LPAR1: variants seen among roughly 807,000 people sequenced by gnomAD.
LPAR1 encodes lysophosphatidic acid receptor 1.
Under a neutral mutation model 23.8 loss-of-function variants are expected in LPAR1, and 5 were observed. The observed-to-expected ratio is 0.21, with a 90% CI of 0.11 to 0.44. LPAR1 has a LOEUF of 0.44. Among genes scored for constraint, LPAR1 ranks in the 20% least tolerant of loss-of-function variants. The probability of loss-of-function intolerance (pLI) is 0.99; values close to 1 mark genes in which losing one functional copy is unlikely to be tolerated. For missense variants in LPAR1, 311 were observed against 482.8 expected (o/e 0.64, Z 3.33); for synonymous variants, 160 against 164.7 (o/e 0.97, Z 0.22).
At chr9:110,939,904 G>T (rs560641445) in intron 5 of LPAR1, among the ~76,000 whole-genome samples, 1 of 152,286 alleles carries the variant, frequency 6.6e-6, no homozygotes, top group East Asian at 1.9e-4. Context: ...CAGGAAAAAA[G>T]TCTCATGTTA....
chr9:110,992,046 C>CA (rs1346935929), intron 2 of LPAR1, among the ~76,000 whole-genome samples: 1 of 150,222 alleles, frequency 6.7e-6, no homozygotes, highest in East Asian at 1.9e-4. Flanking sequence ...CTATAAAGAA[C>CA]AAACAGAAAA....
chr9:110,884,544 A>T (rs2081833458), intron 5 of LPAR1, among the ~76,000 whole-genome samples: 1 of 152,248 alleles, frequency 6.6e-6, no homozygotes, highest in Non-Finnish European at 1.5e-5. Context: ...AATAAAAAAA[A>T]TAAGTGAAAG....
chr9:110,966,702 A>G (rs1199105136), intron 4 of LPAR1, among the ~76,000 whole-genome samples: 4 of 152,312 alleles, frequency 2.6e-5, no homozygotes, highest in Admixed American at 2.0e-4. Flanking sequence ...AGAATGATAC[A>G]CCATGAAAAA....
chr9:110,929,924 A>G (rs1321686150), intron 5 of LPAR1, among the ~76,000 whole-genome samples: 1 of 152,142 alleles, frequency 6.6e-6, no homozygotes, highest in Non-Finnish European at 1.5e-5. Context: ...GGAAATCAGA[A>G]ATGATGCTTC....
At chr9:110,969,304 T>C (rs1056142895) in intron 4 of LPAR1, among the ~76,000 whole-genome samples, 1 of 152,170 alleles carries the variant, frequency 6.6e-6, no homozygotes, top group Non-Finnish European at 1.5e-5. Flanking sequence ...CACAGTCTTG[T>C]TTTAGAATTT....
chr9:111,011,373 A>T (rs574350753), intron 2 of LPAR1, among the ~76,000 whole-genome samples: 71 of 152,288 alleles, frequency 4.7e-4, no homozygotes, highest in African/African-American at 1.6e-3. Context: ...CACTTCCAAT[A>T]ACGGGAAGCT....
chr9:110,982,719 T>C (rs962648934), intron 2 of LPAR1, among the ~76,000 whole-genome samples: 4 of 151,234 alleles, frequency 2.6e-5, no homozygotes, highest in African/African-American at 4.9e-5. Context: ...TTGACAAAAA[T>C]AAGTGGAACA....
chr9:111,021,098 A>C (rs1564361332), intron 2 of LPAR1, among the ~76,000 whole-genome samples: 1 of 152,236 alleles, frequency 6.6e-6, no homozygotes, highest in Admixed American at 6.5e-5. Context: ...AATGTATTTG[A>C]ATCAAATGAT....
rs1044252791 is a variant in LPAR1 at position 110,875,344 on chromosome 9, T to C, written c.*77A>G. 2.3e-6 allele frequency: 3 copies of C among 1,309,856 alleles called. No individual in the cohort carries two copies. The highest frequency in any genetic ancestry group is 5.3e-5 in the Admixed American group (2 of 37,890). 81.1% of individuals were successfully genotyped at this position (1,309,856 alleles called of 1,614,324 possible). ...CTTTTCTCCTCTCTCACACCCCACC[T>C]TGCCCTGGCAATTGGGTAGGGGGAG... is the stretch of plus-strand genomic sequence containing the variant. On this transcript the variant is annotated 3_prime_UTR_variant, in exon 6 of 6. Coordinates refer to ENST00000683809, the MANE Select transcript of LPAR1 (RefSeq NM_001351411.2).
intron 2 of LPAR1, chr9:110,999,437 G>A (rs1392530923): frequency 2.2e-6 from 1 of 455,998 alleles, no homozygotes; most frequent in Admixed American, 2.4e-5. Context: ...AGTAGCAGCA[G>A]CATCCCCACA....
intron 5 of LPAR1, among the ~76,000 whole-genome samples, chr9:110,898,889 G>C (rs1247220441): frequency 6.6e-6 from 1 of 152,184 alleles, no homozygotes; most frequent in South Asian, 2.1e-4. Flanking sequence ...CATCCTATGA[G>C]TGTTTTCACT....
intron 2 of LPAR1, among the ~76,000 whole-genome samples, chr9:111,029,629 CTT>C (rs2097760728): frequency 1.3e-5 from 2 of 152,236 alleles, no homozygotes; most frequent in African/African-American, 4.8e-5. Flanking sequence ...GCAGACAGCT[CTT>C]TGTTTGAAAC....
chr9:111,033,645 G>A (rs1229637049), intron 2 of LPAR1, among the ~76,000 whole-genome samples: 4 of 152,164 alleles, frequency 2.6e-5, no homozygotes, highest in Non-Finnish European at 4.4e-5. Flanking sequence ...TCTCCCTCCT[G>A]GGTTCAAGTG....
intron 5 of LPAR1, among the ~76,000 whole-genome samples, chr9:110,915,030 A>G (rs550524428): frequency 6.6e-6 from 1 of 152,242 alleles, no homozygotes; most frequent in East Asian, 1.9e-4. Flanking sequence ...AGCTGCATGC[A>G]CTTGCAGTCT....
At chr9:110,937,433 G>A (rs542001188) in intron 5 of LPAR1, among the ~76,000 whole-genome samples, 4 of 152,266 alleles carry the variant, frequency 2.6e-5, no homozygotes, top group South Asian at 2.1e-4. Flanking sequence ...TTGAATCCCC[G>A]TTCCTATACT....
chr9:110,893,083 G>C (rs1203977116), intron 5 of LPAR1, among the ~76,000 whole-genome samples: 2 of 152,144 alleles, frequency 1.3e-5, no homozygotes, highest in African/African-American at 2.4e-5. Flanking sequence ...AGCACAGTGG[G>C]AAAGATTTAA....
chr9:110,997,959 G>A (rs894932757), intron 2 of LPAR1, among the ~76,000 whole-genome samples: 15 of 152,236 alleles, frequency 9.9e-5, no homozygotes, highest in Non-Finnish European at 2.1e-4. Flanking sequence ...CATTACACCA[G>A]TGGTTCTCAA....
chr9:110,962,811 T>G (rs1228719971), intron 4 of LPAR1, among the ~76,000 whole-genome samples: 1 of 152,132 alleles, frequency 6.6e-6, no homozygotes, highest in Non-Finnish European at 1.5e-5. Flanking sequence ...ATGGCAGTAT[T>G]AATATTTTCA....
intron 2 of LPAR1, among the ~76,000 whole-genome samples, chr9:111,018,387 T>C (rs2097497773): frequency 6.6e-6 from 1 of 152,214 alleles, no homozygotes. Context: ...CAAATTATAT[T>C]ACCAGGAATC....
Sources: gnomAD v4.1 joint callset for allele counts (sites outside exome capture counted in the v4.1 genomes callset) on GRCh38, gnomAD v4.1.1 for gene constraint, MANE v1.5 for transcripts, NCBI Gene and HGNC (gene_info 2026-07-23, HGNC 2026-07-21) for gene names.